LRTM1: variants seen among roughly 807,000 people sequenced by gnomAD.
LRTM1 encodes the protein leucine-rich repeat and transmembrane domain-containing protein 1.
LRTM1 carries 38 observed loss-of-function variants against 32.4 expected under a neutral mutation model. The observed-to-expected ratio is 1.17, with a 90% confidence interval of 0.91 to 1.54. The LOEUF is 1.54. LRTM1 is among the 40% of genes most tolerant of loss of function. The pLI, the probability that LRTM1 is intolerant of heterozygous loss-of-function variation, is 0.00. For synonymous variants in LRTM1, 186 were observed against 169.9 expected, an observed-to-expected ratio of 1.09 and a Z score of -0.74; for missense variants, 466 against 415.4, an observed-to-expected ratio of 1.12 and a Z score of -1.06.
intron 1 of LRTM1, among the ~76,000 whole-genome samples, chr3:54,953,557 G>A (rs73067730): frequency 0.11 from 16,280 of 152,114 alleles, 988 homozygotes; most frequent in Non-Finnish European, 0.12. Context: ...AAGGCCTCAG[G>A]AGACCTTATT....
intron 1 of LRTM1, among the ~76,000 whole-genome samples, chr3:54,959,384 C>T (rs1322753033): frequency 3.3e-5 from 5 of 152,198 alleles, no homozygotes; most frequent in Non-Finnish European, 7.3e-5. Context: ...GTAACATGAA[C>T]CTGACAGTCA....
intron 1 of LRTM1, among the ~76,000 whole-genome samples, chr3:54,937,186 A>G (rs2106972368): frequency 6.6e-6 from 1 of 152,318 alleles, no homozygotes; most frequent in African/African-American, 2.4e-5. Context: ...CTTTGTGTGT[A>G]TTCTTTCTTG....
intron 1 of LRTM1, among the ~76,000 whole-genome samples, chr3:54,963,573 C>T (rs772548146): frequency 6.6e-6 from 1 of 152,188 alleles, no homozygotes; most frequent in Non-Finnish European, 1.5e-5. Context: ...ATTTGGACAG[C>T]ACAGGATCAG....
intron 1 of LRTM1, among the ~76,000 whole-genome samples, chr3:54,958,276 C>A (rs1701950234): frequency 1.3e-5 from 2 of 152,138 alleles, no homozygotes; most frequent in Admixed American, 1.3e-4. Context: ...GCCTATAATC[C>A]CAGCTACTCA....
chr3:54,946,759 G>A (rs1056790832), intron 1 of LRTM1, among the ~76,000 whole-genome samples: 12 of 151,226 alleles, frequency 7.9e-5, no homozygotes, highest in Middle Eastern at 3.4e-3. Context: ...TTAAACACCC[G>A]AAATCATGGA....
chr3:54,961,755 A>G (rs1288863006), intron 1 of LRTM1, among the ~76,000 whole-genome samples: 2 of 152,192 alleles, frequency 1.3e-5, no homozygotes, highest in Non-Finnish European at 2.9e-5. Flanking sequence ...CTGAGTATGC[A>G]TGAATGATCA....
At chr3:54,920,079 T>C (rs1418044833) in intron 2 of LRTM1, among the ~76,000 whole-genome samples, 1 of 152,232 alleles carries the variant, frequency 6.6e-6, no homozygotes, top group African/African-American at 2.4e-5. Context: ...CCGAAAAGAC[T>C]GGCACTGCAG....
chr3:54,925,060 G>C lies in LRTM1; in HGVS notation c.163C>G (p.Leu55Val). 6.2e-7 allele frequency: 1 copy of C among 1,614,134 alleles called. No homozygotes were observed. The highest frequency in any genetic ancestry group is 8.5e-7 in the Non-Finnish European group (1 of 1,180,020). The change falls in exon 2 of 3, where the codon CTG (leucine) becomes GTG (valine). Residue 55 changes from leucine to valine, a missense_variant. Physicochemically the swap from Leu to Val is conservative, Grantham distance 32. Transcript: ENST00000273286. ...PSHLPPQTRT[L>V]HLQDNQIHHL... ...TGTATCTGATTATCTTGTAAATGCAGCGTTCGAGTCTGAGGAGGTAAATGG... is the reference window on the plus strand; with the variant it reads ...TGTATCTGATTATCTTGTAAATGCACCGTTCGAGTCTGAGGAGGTAAATGG...
At position 54,942,975 on chromosome 3, in the gene LRTM1, G is replaced by A. The variant is rs980918696; in HGVS notation, c.-221-17760C>T. On this transcript the variant is annotated intron_variant, in intron 1 of 2. Coordinates refer to the LRTM1 transcript ENST00000493075. ...GGAGGCGGAGGTTGCAGTGAGCTGA[G>A]ACTGTGCCACTGCACTCCAGCCTGG... Among the ~76,000 whole-genome samples, 8 of 152,146 alleles carry A rather than the reference G, an allele frequency of 5.3e-5. No homozygotes were observed. The South Asian group carries it at 8.3e-4, about 16-fold the overall frequency.
intron 1 of LRTM1, among the ~76,000 whole-genome samples, chr3:54,945,126 G>A (rs1701580669): frequency 1.3e-5 from 2 of 152,164 alleles, no homozygotes; most frequent in African/African-American, 4.8e-5. Context: ...GGAAGGTTAG[G>A]AATTCCCATC....
intron 1 of LRTM1, among the ~76,000 whole-genome samples, chr3:54,958,248 A>G (rs1013888325): frequency 1.3e-5 from 2 of 152,230 alleles, no homozygotes; most frequent in Non-Finnish European, 2.9e-5. Context: ...CATGTATCGG[A>G]TGGGTGTGGT....
intron 1 of LRTM1, among the ~76,000 whole-genome samples, chr3:54,933,654 A>T (rs1701261079): frequency 6.6e-6 from 1 of 152,130 alleles, no homozygotes; most frequent in African/African-American, 2.4e-5. Flanking sequence ...ACAACAACTC[A>T]CTAGACATTA....
intron 1 of LRTM1, among the ~76,000 whole-genome samples, chr3:54,960,047 G>T (rs949401775): frequency 2.7e-5 from 4 of 150,346 alleles, no homozygotes; most frequent in Admixed American, 1.3e-4. Context: ...CTTTACCAAA[G>T]GTGACAGTTC....
intron 1 of LRTM1, among the ~76,000 whole-genome samples, chr3:54,950,480 T>C (rs1454665043): frequency 6.6e-6 from 1 of 152,206 alleles, no homozygotes; most frequent in African/African-American, 2.4e-5. Context: ...GGCAGCGATA[T>C]AATGCTGACA....
At chr3:54,964,284 T>C (rs780239694) in intron 1 of LRTM1, among the ~76,000 whole-genome samples, 1 of 152,156 alleles carries the variant, frequency 6.6e-6, no homozygotes, top group African/African-American at 2.4e-5. Flanking sequence ...TGATGAAGAT[T>C]CCCAGCAGGG....
intron 1 of LRTM1, chr3:54,966,838 C>G (rs189714702): frequency 4.6e-5 from 7 of 152,270 alleles, no homozygotes; most frequent in African/African-American, 1.7e-4. Context: ...AACAAACAAA[C>G]GATTCGCATA....
At position 54,918,281 on chromosome 3, in the gene LRTM1, A is replaced by T; in HGVS notation, c.*178T>A. ...TTACCTATAGTATTTTAAAAATCGC[A>T]ACATAAATTCCTCCCCAGAAATATT... On this transcript the variant is annotated 3_prime_UTR_variant, in exon 3 of 3. Transcript: ENST00000273286. 1.5e-6 allele frequency: 1 copy of T among 652,676 alleles called. No individual in the cohort carries two copies. The allele number at this position is 652,676 out of a possible 1,614,324, so 40.4% of individuals were successfully genotyped here. A position where few individuals can be genotyped will look rare whatever the true frequency, so the allele number is the denominator to read the frequency against.
intron 1 of LRTM1, among the ~76,000 whole-genome samples, chr3:54,952,859 G>T (rs1228575457): frequency 6.6e-6 from 1 of 152,188 alleles, no homozygotes; most frequent in East Asian, 1.9e-4. Flanking sequence ...AAATTCAGCA[G>T]AGTTGGGAAT....
chr3:54,925,633 G>A (rs1411757062), intron 1 of LRTM1, among the ~76,000 whole-genome samples: 1 of 152,206 alleles, frequency 6.6e-6, no homozygotes, highest in Non-Finnish European at 1.5e-5. Flanking sequence ...GTATGCTGCA[G>A]AACAGTGCTG....
Sources: allele counts gnomAD v4.1 joint callset (sites outside exome capture counted in the v4.1 genomes callset), GRCh38; gene constraint gnomAD v4.1.1; transcripts MANE v1.5; gene names NCBI Gene and HGNC (gene_info 2026-07-23, HGNC 2026-07-21).